ILRUN: variants seen among roughly 807,000 people sequenced by gnomAD.
ILRUN encodes the protein inflammation and lipid regulator with UBA-like and NBR1-like domains.
Under a neutral mutation model 33.8 loss-of-function variants are expected in ILRUN, and 3 were observed. The ratio of observed to expected loss-of-function variants is 0.09; its 90% confidence interval spans 0.04 to 0.23. The LOEUF (loss-of-function observed/expected upper bound fraction) is 0.23. Ranked by LOEUF, ILRUN falls within the 10% of genes least tolerant of loss-of-function variation. ILRUN has a pLI of 1.00. For synonymous variants in ILRUN, 124 were observed against 138.9 expected (o/e 0.89, Z 0.75); for missense variants, 210 against 375.1 (o/e 0.56, Z 3.64).
At chr6:34,614,491 ATATATTATATTT>A (rs1290298908) in intron 3 of ILRUN, among the ~76,000 whole-genome samples, 4 of 139,734 alleles carry the variant, frequency 2.9e-5, no homozygotes, top group African/African-American at 8.2e-5. Context: ...ATATTATTAT[ATATATTATATTT>A]TATATATATA....
At chr6:34,596,564 C>A (rs1427836609) in intron 4 of ILRUN, among the ~76,000 whole-genome samples, 1 of 152,170 alleles carries the variant, frequency 6.6e-6, no homozygotes, top group Non-Finnish European at 1.5e-5. Flanking sequence ...CCACCCACCT[C>A]AGCCTCCCAA....
In ILRUN at chr6:34,588,252, C is replaced by A. The variant is rs1157992426; in HGVS notation, c.*2313G>T. 2.5e-6 allele frequency: 1 copy of A among 398,590 alleles called. No homozygotes were observed. Among genetic ancestry groups the A allele is most frequent in the Non-Finnish European group, 4.4e-6 (1 of 226,132 alleles). 24.7% of individuals were successfully genotyped at this position (398,590 alleles called of 1,614,324 possible). On this transcript the variant is annotated 3_prime_UTR_variant, in exon 5 of 5. Transcript: ENST00000374023. ...GGGAAGGGAGACAAGGTGCTTGGGA[C>A]ATTTAACTTGCCAAGTGTGGTTGCC...
At chr6:34,680,952 A>T (rs1284942463) in intron 1 of ILRUN, among the ~76,000 whole-genome samples, 1 of 152,122 alleles carries the variant, frequency 6.6e-6, no homozygotes, top group Non-Finnish European at 1.5e-5. Flanking sequence ...CATTTTAAAA[A>T]TTTAAAAATA....
chr6:34,666,307 C>T (rs1463009045), intron 1 of ILRUN, among the ~76,000 whole-genome samples: 1 of 152,060 alleles, frequency 6.6e-6, no homozygotes, highest in Non-Finnish European at 1.5e-5. Flanking sequence ...TGCCTGTAAT[C>T]CCAGCACTTT....
Position 34,606,723 on chromosome 6 carries a change from C to G in ILRUN, c.693G>C (p.Gly231=), listed in dbSNP as rs753338316. The G allele has an allele frequency of 1.2e-6, 2 of 1,614,122 alleles. No homozygotes were observed. Among genetic ancestry groups the G allele is most frequent in the Non-Finnish European group, 1.7e-6 (2 of 1,180,018 alleles). Residue 231 remains glycine (G), a synonymous_variant, in exon 4 of 5, where the codon GGG becomes GGC. Transcript: ENST00000374023. ...TGCTGATCGAGTCGAACTCGGAGCC[C>G]CCAGGGTCTTTTAAGTTGTTTTCAT... is the stretch of plus-strand genomic sequence containing the variant. ...QSDENNLKDP[G]GSEFDSISKN...
At chr6:34,665,509 C>A (rs1762976001) in intron 1 of ILRUN, among the ~76,000 whole-genome samples, 1 of 152,060 alleles carries the variant, frequency 6.6e-6, no homozygotes, top group Non-Finnish European at 1.5e-5. Context: ...AGGTCTCAAA[C>A]GCTGGGCCTC....
chr6:34,630,268 TG>T (rs1762217293), intron 3 of ILRUN, among the ~76,000 whole-genome samples: 1 of 152,232 alleles, frequency 6.6e-6, no homozygotes, highest in African/African-American at 2.4e-5. Flanking sequence ...TGTTTATTTC[TG>T]GAATTTTCCA....
chr6:34,597,574 T>A (rs1391687493), intron 4 of ILRUN, among the ~76,000 whole-genome samples: 3 of 152,238 alleles, frequency 2.0e-5, no homozygotes, highest in Admixed American at 2.0e-4. Context: ...CCTGTGTGTC[T>A]TACAATTAAT....
intron 1 of ILRUN, among the ~76,000 whole-genome samples, chr6:34,662,316 A>AG (rs1421610353): frequency 8.5e-4 from 128 of 151,472 alleles, no homozygotes; most frequent in African/African-American, 3.0e-3. Context: ...AAAAAAAAAA[A>AG]AAAAGAAAAA....
At chr6:34,684,202 T>C (rs1763467676) in intron 1 of ILRUN, among the ~76,000 whole-genome samples, 1 of 152,126 alleles carries the variant, frequency 6.6e-6, no homozygotes, top group African/African-American at 2.4e-5. Context: ...AAGGCAAATA[T>C]CAGACATGCT....
chr6:34,655,812 C>T (rs1050644343), intron 1 of ILRUN, among the ~76,000 whole-genome samples: 2 of 152,004 alleles, frequency 1.3e-5, no homozygotes, highest in African/African-American at 2.4e-5. Flanking sequence ...TATAAGAGTA[C>T]GCCTATTTTC....
intron 1 of ILRUN, among the ~76,000 whole-genome samples, chr6:34,680,291 CT>C (rs1763332220): frequency 6.6e-6 from 1 of 152,134 alleles, no homozygotes; most frequent in South Asian, 2.1e-4. Flanking sequence ...AAATGCCCCA[CT>C]TTTATAAAGC....
intron 1 of ILRUN, among the ~76,000 whole-genome samples, chr6:34,673,028 C>T (rs926280456): frequency 2.6e-5 from 4 of 152,160 alleles, no homozygotes; most frequent in African/African-American, 7.2e-5. Context: ...AATATTTCAA[C>T]ATTACCGCTG....
chr6:34,652,276 C>A (rs1186375574), intron 2 of ILRUN, among the ~76,000 whole-genome samples: 2 of 152,058 alleles, frequency 1.3e-5, no homozygotes, highest in Non-Finnish European at 2.9e-5. Flanking sequence ...GTAAGAATTT[C>A]AAGAAAAATA....
intron 1 of ILRUN, among the ~76,000 whole-genome samples, chr6:34,657,173 C>T (rs886487343): frequency 6.6e-6 from 1 of 152,120 alleles, no homozygotes; most frequent in Non-Finnish European, 1.5e-5. Flanking sequence ...GTATGTCTAC[C>T]GTTTTGAAAA....
At chr6:34,678,629 C>T (rs1470597896) in intron 1 of ILRUN, among the ~76,000 whole-genome samples, 4 of 151,438 alleles carry the variant, frequency 2.6e-5, no homozygotes, top group Admixed American at 2.0e-4. Flanking sequence ...AGGTGGATCA[C>T]GAGGTCAGGA....
chr6:34,680,672 C>A (rs1763340335), intron 1 of ILRUN, among the ~76,000 whole-genome samples: 1 of 152,070 alleles, frequency 6.6e-6, no homozygotes, highest in African/African-American at 2.4e-5. Flanking sequence ...AGGCTGGTCT[C>A]GAACTCCTGA....
chr6:34,626,361 T>TG (rs1762130232), intron 3 of ILRUN, among the ~76,000 whole-genome samples: 1 of 151,954 alleles, frequency 6.6e-6, no homozygotes, highest in Non-Finnish European at 1.5e-5. Flanking sequence ...TTTGTAGAGA[T>TG]GGGGGTCTTC....
At chr6:34,664,160 T>G (rs1424198436) in intron 1 of ILRUN, among the ~76,000 whole-genome samples, 1 of 152,236 alleles carries the variant, frequency 6.6e-6, no homozygotes, top group Admixed American at 6.5e-5. Context: ...CTGCTAAAAT[T>G]ATAAATGTGT....
Sources: allele counts gnomAD v4.1 joint callset (sites outside exome capture counted in the v4.1 genomes callset), GRCh38; gene constraint gnomAD v4.1.1; transcripts MANE v1.5; gene names NCBI Gene and HGNC (gene_info 2026-07-23, HGNC 2026-07-21).